Variants in AGBL3 observed in about 807,000 individuals in gnomAD.
The protein encoded by AGBL3 is AGBL carboxypeptidase 3, also known as cytosolic carboxypeptidase 3.
Under a neutral mutation model 94.5 loss-of-function variants are expected in AGBL3, and 68 were observed. The observed-to-expected ratio is 0.72, with a 90% confidence interval of 0.59 to 0.88. The LOEUF (loss-of-function observed/expected upper bound fraction) is 0.88, where lower values mean the gene tolerates loss of function less well. AGBL3 is among the 40% of genes least tolerant of loss of function. The pLI is 0.00. For missense variants in AGBL3, 934 were observed against 1,103.8 expected, an observed-to-expected ratio of 0.85 and a Z score of 2.18; for synonymous variants, 354 against 370.7, an observed-to-expected ratio of 0.95 and a Z score of 0.52.
intron 12 of AGBL3, among the ~76,000 whole-genome samples, chr7:135,067,691 A>G (rs1285882497): frequency 6.6e-6 from 1 of 152,260 alleles, no homozygotes; most frequent in Non-Finnish European, 1.5e-5. Flanking sequence ...GACTGTTAGA[A>G]GGAAAACTAA....
At chr7:135,022,949 A>T (rs977247446) in intron 5 of AGBL3, among the ~76,000 whole-genome samples, 3 of 151,842 alleles carry the variant, frequency 2.0e-5, no homozygotes, top group African/African-American at 7.3e-5. Flanking sequence ...CATTAATTTG[A>T]CTATATTTTA....
At chr7:135,074,922 A>G (rs777772160) in intron 12 of AGBL3, among the ~76,000 whole-genome samples, 1 of 151,702 alleles carries the variant, frequency 6.6e-6, no homozygotes, top group African/African-American at 2.4e-5. Context: ...TTATCAAGAT[A>G]TTTTTCTAGC....
chr7:135,018,771 T>A (rs28453174), intron 5 of AGBL3, among the ~76,000 whole-genome samples: 8,287 of 152,276 alleles, frequency 0.054, 301 homozygotes, highest in Middle Eastern at 0.18. Context: ...TCATATAAAG[T>A]TAAAACCCTA....
At chr7:135,025,974 G>C (rs1815048501) in intron 5 of AGBL3, among the ~76,000 whole-genome samples, 2 of 151,532 alleles carry the variant, frequency 1.3e-5, no homozygotes, top group Admixed American at 6.6e-5. Context: ...AATAACAGTA[G>C]GAGACTTTAA....
intron 16 of AGBL3, among the ~76,000 whole-genome samples, chr7:135,124,579 A>C (rs1330723080): frequency 6.6e-6 from 1 of 152,230 alleles, no homozygotes; most frequent in Non-Finnish European, 1.5e-5. Flanking sequence ...CTCCACCCCA[A>C]ATCAACAGAA....
At chr7:135,027,208 C>A (rs542590249) in intron 5 of AGBL3, among the ~76,000 whole-genome samples, 1 of 151,480 alleles carries the variant, frequency 6.6e-6, no homozygotes, top group East Asian at 2.1e-4. Context: ...CCACCATGTT[C>A]GGCTAATTTT....
At chr7:135,090,120 C>G (rs1355291361) in intron 15 of AGBL3, among the ~76,000 whole-genome samples, 1 of 152,126 alleles carries the variant, frequency 6.6e-6, no homozygotes. Context: ...GAACCTGAGG[C>G]AATAAGACTC....
At chr7:135,085,667 A>G (rs1428143018) in intron 15 of AGBL3, among the ~76,000 whole-genome samples, 4 of 151,862 alleles carry the variant, frequency 2.6e-5, no homozygotes, top group Non-Finnish European at 5.9e-5. Flanking sequence ...AAATAAGTAG[A>G]TTTATTTTGG....
intron 8 of AGBL3, among the ~76,000 whole-genome samples, 156 bp from the exon 9 acceptor site, chr7:135,043,869 G>C (rs2116549984): frequency 6.6e-6 from 1 of 152,188 alleles, no homozygotes; most frequent in Middle Eastern, 3.4e-3. Context: ...TCCTTAAAAT[G>C]AGATATTTCC....
intron 5 of AGBL3, among the ~76,000 whole-genome samples, chr7:135,026,447 G>C (rs1035054408): frequency 2.0e-5 from 3 of 150,810 alleles, no homozygotes; most frequent in Non-Finnish European, 2.9e-5. Context: ...CCCAATTTTT[G>C]TATTTTTAGT....
At chr7:135,107,908 T>C (rs1042163387) in intron 15 of AGBL3, among the ~76,000 whole-genome samples, 3 of 152,334 alleles carry the variant, frequency 2.0e-5, no homozygotes, top group Middle Eastern at 3.4e-3. Context: ...GTTGGGTACA[T>C]ATATATTTAG....
Position 135,034,362 on chromosome 7 carries a change from G to A in AGBL3, c.771G>A (p.Gln257=), listed in dbSNP as rs1179599319. ...CCAAGGCTCATCACATTGGCTGGCAGAGAATAGGAGACCAAATCAAGTATT... is the reference window on the plus strand; with the variant it reads ...CCAAGGCTCATCACATTGGCTGGCAAAGAATAGGAGACCAAATCAAGTATT... ...KEAKAHHIGW[Q]RIGDQIKYYR... Residue 257 remains glutamine (Q), a synonymous_variant, in exon 7 of 17, where the codon CAG becomes CAA. Coordinates refer to ENST00000436302, the MANE Select transcript of AGBL3 (RefSeq NM_178563.4). 57 of 1,551,684 alleles carry A rather than the reference G, an allele frequency of 3.7e-5. No individual in the cohort carries two copies. Among genetic ancestry groups the A allele is most frequent in the Non-Finnish European group, 4.9e-5 (56 of 1,146,976 alleles).
chr7:135,023,327 C>T (rs1010239527), intron 5 of AGBL3, among the ~76,000 whole-genome samples: 1 of 152,114 alleles, frequency 6.6e-6, no homozygotes. Flanking sequence ...AGAGGTGATG[C>T]AGACACCAAG....
chr7:135,029,601 T>C (rs1288864236), intron 5 of AGBL3, among the ~76,000 whole-genome samples: 2 of 152,190 alleles, frequency 1.3e-5, no homozygotes, highest in Non-Finnish European at 2.9e-5. Flanking sequence ...ACTTTTTCCA[T>C]GTCAGCAATA....
Position 134,993,517 on chromosome 7 carries a change from T to TC in AGBL3, c.154dup (p.Arg52ProfsTer20), listed in dbSNP as rs745930842. On this transcript the variant is annotated frameshift_variant, in exon 4 of 17. Coordinates refer to ENST00000436302, the MANE Select transcript of AGBL3 (RefSeq NM_178563.4). LOFTEE classifies it high-confidence loss of function. ...GCTGACTCTTTTGGTGATCCCTTCT[T>TC]CCCCCGGACTACACAGATACTATTA... 6.5e-7 allele frequency: 1 copy of TC among 1,547,356 alleles called. No individual in the cohort carries two copies. Among genetic ancestry groups the TC allele is most frequent in the South Asian group, 1.2e-5 (1 of 82,876 alleles).
At chr7:135,024,514 C>G (rs1048521370) in intron 5 of AGBL3, among the ~76,000 whole-genome samples, 6 of 152,140 alleles carry the variant, frequency 3.9e-5, no homozygotes, top group African/African-American at 1.4e-4. Context: ...CAACTTAAAC[C>G]ACAATTAAAA....
intron 15 of AGBL3, 27 bp from the exon 16 acceptor site, chr7:135,115,353 G>A (rs779255050): frequency 7.2e-7 from 1 of 1,396,454 alleles, no homozygotes; most frequent in South Asian, 1.3e-5. Context: ...TCATATCTCT[G>A]TACATATTTT....
At chr7:135,134,221 T>C (rs1236912935) in intron 16 of AGBL3, among the ~76,000 whole-genome samples, 1 of 152,084 alleles carries the variant, frequency 6.6e-6, no homozygotes, top group East Asian at 1.9e-4. Context: ...GAAGAGTTCA[T>C]GGGATCTCTC....
chr7:135,125,235 T>A (rs1827709569), intron 16 of AGBL3, among the ~76,000 whole-genome samples: 1 of 151,918 alleles, frequency 6.6e-6, no homozygotes, highest in African/African-American at 2.4e-5. Flanking sequence ...CCCACAGAAA[T>A]ATAAACTACC....
Sources: allele counts gnomAD v4.1 joint callset (sites outside exome capture counted in the v4.1 genomes callset), GRCh38; gene constraint gnomAD v4.1.1; transcripts MANE v1.5; gene names NCBI Gene and HGNC (gene_info 2026-07-23, HGNC 2026-07-21).